Variants in TNIP3 observed in about 807,000 individuals in gnomAD.
TNIP3 encodes the protein TNFAIP3 interacting protein 3.
In TNIP3, 34 loss-of-function variants were observed where a neutral mutation model predicts 54.1. The observed-to-expected ratio is 0.63, with a 90% CI of 0.48 to 0.84. The LOEUF (loss-of-function observed/expected upper bound fraction) is 0.84, where lower values mean the gene tolerates loss of function less well. Among genes scored for constraint, TNIP3 ranks in the 40% least tolerant of loss-of-function variants. The probability of loss-of-function intolerance (pLI) is 0.00; values close to 1 mark genes in which losing one functional copy is unlikely to be tolerated. For missense variants in TNIP3, 366 were observed against 387.6 expected, an observed-to-expected ratio of 0.94 and a Z score of 0.47; for synonymous variants, 134 against 136.8, an observed-to-expected ratio of 0.98 and a Z score of 0.14.
At chr4:121,171,639 G>A (rs1723945679) in intron 3 of TNIP3, among the ~76,000 whole-genome samples, 1 of 152,148 alleles carries the variant, frequency 6.6e-6, no homozygotes, top group Non-Finnish European at 1.5e-5. Flanking sequence ...TCATGCCTCA[G>A]GAAAATGAAA....
chr4:121,140,556 T>C (rs1485895357), intron 9 of TNIP3, among the ~76,000 whole-genome samples: 2 of 152,086 alleles, frequency 1.3e-5, no homozygotes, highest in Non-Finnish European at 2.9e-5. Flanking sequence ...TACTCCTAGG[T>C]AAATGTGAAT....
rs1239913146 is a variant in TNIP3, at chr4:121,164,288, A to G, written c.-163T>C. On this transcript the variant is annotated 5_prime_UTR_variant, in exon 1 of 11. Transcript: ENST00000057513. ...AGCAATAGGTTTTCATTAAAAATGA[A>G]CAGAAGTGACTGTGGATAGGAATTA... 1 of 1,435,996 alleles carries G rather than the reference A, an allele frequency of 7.0e-7. No individual in the cohort carries two copies. The highest frequency in any genetic ancestry group is 2.5e-5 in the East Asian group (1 of 39,270). 89.0% of individuals were successfully genotyped at this position (1,435,996 alleles called of 1,614,324 possible).
upstream of TNIP3, among the ~76,000 whole-genome samples, chr4:121,220,626 G>T (rs926796840): frequency 6.6e-6 from 1 of 151,466 alleles, no homozygotes; most frequent in Admixed American, 6.6e-5. Flanking sequence ...ATGTATCATC[G>T]GCTTATATAC....
At chr4:121,189,209 C>G (rs527646463) in intron 2 of TNIP3, among the ~76,000 whole-genome samples, 1 of 152,332 alleles carries the variant, frequency 6.6e-6, no homozygotes, top group East Asian at 1.9e-4. Flanking sequence ...TTCCTCCACA[C>G]ACTCGCCTAC....
intron 2 of TNIP3, among the ~76,000 whole-genome samples, chr4:121,212,036 T>C (rs1726502982): frequency 6.6e-6 from 1 of 152,198 alleles, no homozygotes; most frequent in South Asian, 2.1e-4. Flanking sequence ...CTTGGGAAAA[T>C]TCTAATTTGG....
intron 10 of TNIP3, 107 bp downstream of exon 10, chr4:121,138,517 T>C: frequency 9.3e-7 from 1 of 1,070,988 alleles, no homozygotes; most frequent in South Asian, 1.4e-5. Context: ...CACAACTTTA[T>C]AGTAAGTCCT....
chr4:121,174,249 A>T (rs115495534), intron 3 of TNIP3, among the ~76,000 whole-genome samples: 1,722 of 152,218 alleles, frequency 0.011, 30 homozygotes, highest in African/African-American at 0.038. Context: ...ATAATTATAA[A>T]AATTAAGAGA....
chr4:121,185,905 A>C (rs1328139867), intron 2 of TNIP3, among the ~76,000 whole-genome samples: 2 of 152,260 alleles, frequency 1.3e-5, no homozygotes, highest in Admixed American at 6.5e-5. Flanking sequence ...AATCACATGC[A>C]GTCATCACTG....
intron 1 of TNIP3, among the ~76,000 whole-genome samples, chr4:121,221,663 T>G (rs1204567316): frequency 6.6e-6 from 1 of 152,156 alleles, no homozygotes; most frequent in African/African-American, 2.4e-5. Flanking sequence ...TCATTTACAG[T>G]AATGGCTCAA....
chr4:121,204,146 G>T lies in TNIP3; in HGVS notation c.68+12269C>A, dbSNP rs1726052206. On this transcript the variant is annotated intron_variant, in intron 2 of 12. Transcript: ENST00000507879. ...AATGGACCAAATTTACTTTGTGAAA[G>T]AAAAATAAATCTTAGGGCCCAAAAT... is the stretch of plus-strand genomic sequence containing the variant. 2.0e-5 allele frequency among the ~76,000 whole-genome samples: 3 copies of T among 152,078 alleles called. No individual in the cohort carries two copies. In the South Asian group the frequency reaches 6.2e-4, roughly 31 times the overall value.
intron 3 of TNIP3, among the ~76,000 whole-genome samples, chr4:121,180,412 T>A (rs188466783): frequency 1.2e-4 from 18 of 151,290 alleles, no homozygotes; most frequent in African/African-American, 4.4e-4. Context: ...AAAAAAAAAA[T>A]TATAGATGTC....
chr4:121,208,014 T>A (rs1421847960), intron 2 of TNIP3, among the ~76,000 whole-genome samples: 1 of 152,136 alleles, frequency 6.6e-6, no homozygotes, highest in African/African-American at 2.4e-5. Flanking sequence ...GGGTTTCCGC[T>A]TTTGCATCTT....
intron 2 of TNIP3, among the ~76,000 whole-genome samples, chr4:121,213,071 G>A (rs997842198): frequency 2.6e-5 from 4 of 151,994 alleles, no homozygotes; most frequent in Non-Finnish European, 5.9e-5. Flanking sequence ...CTACTCACAT[G>A]GAGAAAAAAA....
chr4:121,138,813 T>G lies in TNIP3; in HGVS notation c.886-129A>C, dbSNP rs917178188. 1.2e-4 allele frequency: 93 copies of G among 796,534 alleles called. 2 individuals are homozygous for G. In the South Asian group the frequency reaches 1.4e-3, roughly 12 times the overall value. The allele number at this position is 796,534 out of a possible 1,614,324, so 49.3% of individuals were successfully genotyped here. ...AAAAGTAATTTCTATCCAAACCTAT[T>G]GCCAACCTCACTCATCCTGCTTACC... On this transcript the variant is annotated intron_variant, in intron 9 of 10. Coordinates refer to ENST00000057513, the MANE Select transcript of TNIP3 (RefSeq NM_024873.6).
chr4:121,170,059 C>T (rs1393501529), intron 3 of TNIP3, among the ~76,000 whole-genome samples: 1 of 152,170 alleles, frequency 6.6e-6, no homozygotes, highest in Non-Finnish European at 1.5e-5. Flanking sequence ...CCACCTTGAC[C>T]ATCAGTTCCT....
At chr4:121,209,431 T>C (rs1312992895) in intron 2 of TNIP3, among the ~76,000 whole-genome samples, 2 of 152,202 alleles carry the variant, frequency 1.3e-5, no homozygotes, top group Non-Finnish European at 2.9e-5. Flanking sequence ...CTTCTGGTAG[T>C]GTCAACACCA....
chr4:121,136,901 GA>G (rs1299652338), intron 10 of TNIP3, among the ~76,000 whole-genome samples: 2 of 148,462 alleles, frequency 1.3e-5, no homozygotes, highest in Non-Finnish European at 3.0e-5. Context: ...ACATCATGGA[GA>G]TTTTTTTGTT....
chr4:121,153,530 C>T (rs981298849), intron 5 of TNIP3, among the ~76,000 whole-genome samples: 1 of 152,146 alleles, frequency 6.6e-6, no homozygotes, highest in African/African-American at 2.4e-5. Flanking sequence ...ATTTGTATGT[C>T]TGAGCATGGT....
rs114035444 is a variant in TNIP3, at chr4:121,214,204, G to A, written c.68+2211C>T. Among the ~76,000 whole-genome samples, 1,192 of 152,152 alleles carry A rather than the reference G, an allele frequency of 7.8e-3. 19 individuals carry two copies. Among genetic ancestry groups the A allele is most frequent in the African/African-American group, 0.027 (1,135 of 41,496 alleles). On this transcript the variant is annotated intron_variant, in intron 2 of 12. Transcript: ENST00000507879. ...CTTCCCTCAGACAAAGACATGGACC[G>A]CGGCCCCTGCCTCACTGCCTCATCC...
Sources: allele counts gnomAD v4.1 joint callset (sites outside exome capture counted in the v4.1 genomes callset), GRCh38; gene constraint gnomAD v4.1.1; transcripts MANE v1.5; gene names NCBI Gene and HGNC (gene_info 2026-07-23, HGNC 2026-07-21).